Variants in CRYBG1 observed in about 807,000 individuals in gnomAD.
CRYBG1 encodes beta/gamma crystallin domain-containing protein 1.
In CRYBG1, 139 loss-of-function variants were observed where a neutral mutation model predicts 189.2. The observed-to-expected ratio is 0.73, with a 90% CI of 0.64 to 0.85. The LOEUF (loss-of-function observed/expected upper bound fraction) is 0.85. Ranked by LOEUF, CRYBG1 falls within the 40% of genes least tolerant of loss-of-function variation. The pLI is 0.00. For missense variants in CRYBG1, 2,611 were observed against 2,675.8 expected, an observed-to-expected ratio of 0.98 and a Z score of 0.53; for synonymous variants, 1,023 against 1,017.1, an observed-to-expected ratio of 1.01 and a Z score of -0.11.
intron 1 of CRYBG1, among the ~76,000 whole-genome samples, chr6:106,427,741 T>C (rs187844283): frequency 2.7e-4 from 41 of 152,336 alleles, no homozygotes; most frequent in Admixed American, 2.7e-3. Flanking sequence ...TGATGGTGTT[T>C]TCCCCCTGCT....
In CRYBG1 at chr6:106,560,504, T is replaced by C. The variant is rs184309188; in HGVS notation, c.5856-299T>C. The stretch of plus-strand genomic sequence containing the variant: ...ACAACTGAAGCTATTTTATGAATAG[T>C]TCCCAGGAAGAACTGAGGAATCCAC... On this transcript the variant is annotated intron_variant, in intron 18 of 21. Transcript: ENST00000633556. Among the ~76,000 whole-genome samples, 332 of 152,290 alleles carry C rather than the reference T, an allele frequency of 2.2e-3. 1 individual carries two copies. Among genetic ancestry groups the C allele is most frequent in the East Asian group, 5.8e-4 (3 of 5,188 alleles).
chr6:106,386,209 T>G (rs181570367), intron 1 of CRYBG1, among the ~76,000 whole-genome samples: 1 of 152,358 alleles, frequency 6.6e-6, no homozygotes, highest in East Asian at 1.9e-4. Flanking sequence ...TTCTTTTTGT[T>G]GGCAGTCTTA....
chr6:106,568,633 T>C lies in CRYBG1; in HGVS notation c.*67T>C, dbSNP rs1774964710. 1 of 1,202,950 alleles carries C rather than the reference T, an allele frequency of 8.3e-7. No individual in the cohort carries two copies. Among genetic ancestry groups the C allele is most frequent in the Non-Finnish European group, 1.2e-6 (1 of 818,282 alleles). 74.5% of individuals were successfully genotyped at this position (1,202,950 alleles called of 1,614,324 possible). A position where few individuals can be genotyped will look rare whatever the true frequency, so the allele number is the denominator to read the frequency against. On this transcript the variant is annotated 3_prime_UTR_variant, in exon 22 of 22. Coordinates refer to ENST00000633556, the MANE Select transcript of CRYBG1 (RefSeq NM_001371242.2). The stretch of plus-strand genomic sequence containing the variant: ...CCTTATTTCTTAAAAAGGACAATGC[T>C]GATGGAAGACCAGACTGGAAAGTGG...
At chr6:106,380,464 C>T (rs1190744595) in intron 1 of CRYBG1, among the ~76,000 whole-genome samples, 6 of 152,116 alleles carry the variant, frequency 3.9e-5, no homozygotes, top group Non-Finnish European at 8.8e-5. Context: ...ACCTAAATGA[C>T]TCTAATGGGT....
chr6:106,566,223 G>A (rs911849839), intron 21 of CRYBG1, among the ~76,000 whole-genome samples: 2 of 150,076 alleles, frequency 1.3e-5, no homozygotes, highest in South Asian at 2.1e-4. Context: ...TTCTAGATGC[G>A]CTAGGCACAC....
At chr6:106,479,311 T>G (rs1191355966) in intron 2 of CRYBG1, among the ~76,000 whole-genome samples, 1 of 152,190 alleles carries the variant, frequency 6.6e-6, no homozygotes, top group Non-Finnish European at 1.5e-5. Context: ...GATATTTATT[T>G]CTTACAGTCC....
chr6:106,543,913 G>A (rs955859461), intron 11 of CRYBG1, among the ~76,000 whole-genome samples: 3 of 152,204 alleles, frequency 2.0e-5, no homozygotes, highest in Non-Finnish European at 4.4e-5. Context: ...TTAGCTGAGC[G>A]TGGTGTCACA....
intron 1 of CRYBG1, among the ~76,000 whole-genome samples, chr6:106,404,492 T>G (rs534719059): frequency 2.6e-5 from 4 of 152,194 alleles, no homozygotes; most frequent in Non-Finnish European, 4.4e-5. Context: ...TAAAAAGAAA[T>G]ATTCTATCTG....
At chr6:106,433,104 G>A (rs997681866) in intron 1 of CRYBG1, among the ~76,000 whole-genome samples, 4 of 152,026 alleles carry the variant, frequency 2.6e-5, no homozygotes, top group African/African-American at 4.8e-5. Context: ...CTCCCAAAGT[G>A]CTGGGATTAC....
intron 1 of CRYBG1, among the ~76,000 whole-genome samples, chr6:106,377,649 T>TATATATATATATATATATATATA (rs1311795670): frequency 1.3e-4 from 17 of 129,910 alleles, no homozygotes; most frequent in African/African-American, 3.8e-4. Context: ...ATATATATAT[T>TATATATATATATATATATATATA]TTCATTTGCA....
At chr6:106,436,165 G>T (rs1771448952) in intron 1 of CRYBG1, among the ~76,000 whole-genome samples, 1 of 123,412 alleles carries the variant, frequency 8.1e-6, no homozygotes, top group African/African-American at 3.4e-5. Context: ...GAGAATGAAT[G>T]TCAATTTCGG....
intron 1 of CRYBG1, among the ~76,000 whole-genome samples, chr6:106,427,558 T>C (rs117301225): frequency 6.6e-6 from 1 of 152,366 alleles, no homozygotes; most frequent in Non-Finnish European, 1.5e-5. Flanking sequence ...TCCATTCTTC[T>C]GTGATGTCTA....
At chr6:106,381,272 TA>T (rs1770282679) in intron 1 of CRYBG1, among the ~76,000 whole-genome samples, 2 of 152,208 alleles carry the variant, frequency 1.3e-5, no homozygotes, top group African/African-American at 4.8e-5. Context: ...GTTGACTTAA[TA>T]AAATAGCATA....
chr6:106,564,671 C>G (rs1305500547), intron 21 of CRYBG1, among the ~76,000 whole-genome samples: 1 of 152,106 alleles, frequency 6.6e-6, no homozygotes, highest in Admixed American at 6.5e-5. Flanking sequence ...TGGTCTGAGG[C>G]CCACACCCGG....
At position 106,519,150 on chromosome 6, in the gene CRYBG1, G is replaced by A. The variant is rs1456748509; in HGVS notation, c.1942G>A (p.Val648Met). 4 of 1,613,266 alleles carry A rather than the reference G, an allele frequency of 2.5e-6. No homozygotes were observed. The highest frequency in any genetic ancestry group is 3.4e-6 in the Non-Finnish European group (4 of 1,179,632). ...TCACAGCCCTGCCAAGCCCAAACAT[G>A]TGGAACTAAATCTTAAAACCCCTAA... ...KVTLPAKPKH[V>M]ELNLKTPKNL... The change falls in exon 4 of 22, where the codon GTG becomes ATG. Residue 648 changes from valine (V) to methionine (M), a missense_variant. Coordinates refer to ENST00000633556, the MANE Select transcript of CRYBG1 (RefSeq NM_001371242.2).
At position 106,512,303 on chromosome 6, in the gene CRYBG1, A is replaced by G. The variant is rs537020222; in HGVS notation, c.1186A>G (p.Ile396Val). 2 of 1,595,774 alleles carry G rather than the reference A, an allele frequency of 1.3e-6. No homozygotes were observed. The highest frequency in any genetic ancestry group is 1.1e-5 in the South Asian group (1 of 88,328). The stretch of plus-strand genomic sequence containing the variant: ...GGCACAAGTGGACGAGCCGGTCGTG[A>G]TTACTCCCAGAGCGGAAGATTGCGG... ...EGAQVDEPVV[I>V]TPRAEDCGDW... The change falls in exon 3 of 22, where the codon ATT (isoleucine) becomes GTT (valine). Residue 396 changes from isoleucine (I) to valine (V), a missense_variant. This residue lies in a region of CRYBG1 where 985 missense variants were observed against 924.4 expected (regional missense o/e 1.07). Coordinates refer to ENST00000633556, the MANE Select transcript of CRYBG1 (RefSeq NM_001371242.2).
At chr6:106,481,559 CTGTT>C (rs1772458260) in intron 2 of CRYBG1, among the ~76,000 whole-genome samples, 1 of 148,242 alleles carries the variant, frequency 6.7e-6, no homozygotes, top group Non-Finnish European at 1.5e-5. Context: ...TGGAGACCCT[CTGTT>C]TGTTCTTCCG....
chr6:106,553,955 G>A (rs966039086), intron 16 of CRYBG1, among the ~76,000 whole-genome samples: 3 of 152,158 alleles, frequency 2.0e-5, no homozygotes, highest in African/African-American at 4.8e-5. Flanking sequence ...GTGGACACGC[G>A]AATCAGGGAG....
intron 1 of CRYBG1, among the ~76,000 whole-genome samples, chr6:106,449,883 T>C (rs1425325273): frequency 6.6e-6 from 1 of 152,236 alleles, no homozygotes; most frequent in Non-Finnish European, 1.5e-5. Context: ...TTGCTGCTAA[T>C]GTACCTTTAC....
Sources: gnomAD v4.1 joint callset for allele counts (sites outside exome capture counted in the v4.1 genomes callset) on GRCh38, gnomAD v4.1.1 for gene constraint, gnomAD v4.1.1 regional missense constraint, MANE v1.5 for transcripts, NCBI Gene and HGNC (gene_info 2026-07-23, HGNC 2026-07-21) for gene names.